Variants in L2HGDH observed in about 807,000 individuals in gnomAD.
The protein encoded by L2HGDH is L-2-hydroxyglutarate dehydrogenase, mitochondrial.
In L2HGDH, 34 loss-of-function variants were observed where a neutral mutation model predicts 51.5. That is an observed-to-expected ratio of 0.66 (90% CI 0.50 to 0.88). The LOEUF is 0.88. L2HGDH is among the 40% of genes least tolerant of loss of function. L2HGDH has a pLI of 0.00. For synonymous variants in L2HGDH, 198 were observed against 197.9 expected (o/e 1.00, Z -0.01); for missense variants, 558 against 571.9 (o/e 0.98, Z 0.25).
At chr14:50,273,209 A>G (rs1308695776) in intron 6 of L2HGDH, among the ~76,000 whole-genome samples, 1 of 152,230 alleles carries the variant, frequency 6.6e-6, no homozygotes, top group African/African-American at 2.4e-5. Flanking sequence ...CAAGCTCCAT[A>G]TGAATGCTCA....
At position 50,245,827 on chromosome 14, in the gene L2HGDH, G is replaced by A. The variant is rs1236255043; in HGVS notation, c.*1231C>T. 1 of 985,208 alleles carries A rather than the reference G, an allele frequency of 1.0e-6. No individual in the cohort carries two copies. Among genetic ancestry groups the A allele is most frequent in the Non-Finnish European group, 1.2e-6 (1 of 829,902 alleles). 61.0% of individuals were successfully genotyped at this position (985,208 alleles called of 1,614,324 possible). On this transcript the variant is annotated 3_prime_UTR_variant, in exon 10 of 10. Transcript: ENST00000267436. The stretch of plus-strand genomic sequence containing the variant: ...TTGGTAAGGACAGGTCATTAACAAA[G>A]TCAGGGATTCAGGGCTGAGCATGAT...
chr14:50,311,813 T>C (rs919700137), intron 1 of L2HGDH, among the ~76,000 whole-genome samples, 198 bp downstream of exon 1: 6 of 152,232 alleles, frequency 3.9e-5, no homozygotes, highest in African/African-American at 7.2e-5. Flanking sequence ...CTCTATACAC[T>C]GCCTTTCCTC....
chr14:50,307,412 C>T (rs1261416056), intron 1 of L2HGDH, among the ~76,000 whole-genome samples: 1 of 152,180 alleles, frequency 6.6e-6, no homozygotes, highest in East Asian at 1.9e-4. Flanking sequence ...CTCCAAGCAT[C>T]CACTATGGAG....
At chr14:50,298,138 GGAGGCT>G (rs2030183407) in intron 3 of L2HGDH, among the ~76,000 whole-genome samples, 1 of 150,848 alleles carries the variant, frequency 6.6e-6, no homozygotes, top group African/African-American at 2.4e-5. Context: ...CAGCGACTTG[GGAGGCT>G]GAGGCTGGAG....
chr14:50,298,132 G>C (rs778665800), intron 3 of L2HGDH, among the ~76,000 whole-genome samples: 1 of 150,380 alleles, frequency 6.6e-6, no homozygotes, highest in Non-Finnish European at 1.5e-5. Flanking sequence ...TAGTCCCAGC[G>C]ACTTGGGAGG....
intron 5 of L2HGDH, among the ~76,000 whole-genome samples, chr14:50,279,076 T>A (rs114448496): frequency 0.011 from 1,610 of 152,334 alleles, 24 homozygotes; most frequent in African/African-American, 0.037. Context: ...TTATAAAGCG[T>A]ATGTAGAGCA....
At chr14:50,288,635 T>C (rs1890697488) in intron 4 of L2HGDH, among the ~76,000 whole-genome samples, 1 of 152,224 alleles carries the variant, frequency 6.6e-6, no homozygotes, top group Non-Finnish European at 1.5e-5. Flanking sequence ...TTCACCATAT[T>C]GGTCAGGCCG....
chr14:50,278,813 T>C (rs774878487), intron 5 of L2HGDH, among the ~76,000 whole-genome samples: 41 of 152,188 alleles, frequency 2.7e-4, no homozygotes, highest in Non-Finnish European at 2.2e-4. Flanking sequence ...ACCTCCAATA[T>C]AGACATAGCT....
At chr14:50,293,233 C>G in intron 4 of L2HGDH, 1 of 702,272 alleles carries the variant, frequency 1.4e-6, no homozygotes, top group Middle Eastern at 2.3e-4. Flanking sequence ...TACTGCAGCA[C>G]AGTGGGAAAA....
At chr14:50,293,184 A>AGACATAGAC in intron 4 of L2HGDH, 1 of 701,386 alleles carries the variant, frequency 1.4e-6, no homozygotes, top group South Asian at 1.5e-5. Context: ...AATGGAGTCC[A>AGACATAGAC]GACATAGACC....
At position 50,269,190 on chromosome 14, in the gene L2HGDH, A is replaced by G. The variant is rs770639958; in HGVS notation, c.879T>C (p.Cys293=). 1 of 1,613,986 alleles carries G rather than the reference A, an allele frequency of 6.2e-7. No individual in the cohort carries two copies. Among genetic ancestry groups the G allele is most frequent in the Non-Finnish European group, 8.5e-7 (1 of 1,179,960 alleles). ...GDYLLLKPEK[C]YLVKGNIYPV... ...GATAAATATTTCCTTTTACAAGATAACATTTTTCTGGCTTCAAAAGCAGGT... is the reference window on the plus strand; with the variant it reads ...GATAAATATTTCCTTTTACAAGATAGCATTTTTCTGGCTTCAAAAGCAGGT... The change falls in exon 7 of 10, where the codon TGT becomes TGC. Residue 293 remains cysteine, a synonymous_variant. Transcript: ENST00000267436.
At chr14:50,261,788 G>A (rs1889041658) in intron 9 of L2HGDH, among the ~76,000 whole-genome samples, 2 of 152,118 alleles carry the variant, frequency 1.3e-5, no homozygotes, top group Admixed American at 1.3e-4. Context: ...CTGGCCTAGA[G>A]CTAACATTAA....
At chr14:50,252,156 T>C (rs934595116) in intron 9 of L2HGDH, among the ~76,000 whole-genome samples, 3 of 152,048 alleles carry the variant, frequency 2.0e-5, no homozygotes, top group Non-Finnish European at 2.9e-5. Context: ...TTTATTAGTT[T>C]TCTTTCTGTG....
At chr14:50,288,985 G>A (rs562461474) in intron 4 of L2HGDH, among the ~76,000 whole-genome samples, 2 of 152,290 alleles carry the variant, frequency 1.3e-5, no homozygotes, top group East Asian at 3.9e-4. Context: ...GTATAGATAA[G>A]AAACAGAAAG....
In L2HGDH at chr14:50,302,132, T is replaced by C. The variant is rs267607206; in HGVS notation, c.293A>G (p.His98Arg). 2.5e-6 allele frequency: 4 copies of C among 1,614,018 alleles called. No homozygotes were observed. Among genetic ancestry groups the C allele is most frequent in the Non-Finnish European group, 2.5e-6 (3 of 1,180,004 alleles). Residue 98 changes from histidine to arginine, a missense_variant, in exon 3 of 10, where the codon CAT becomes CGT. Coordinates refer to ENST00000267436, the MANE Select transcript of L2HGDH (RefSeq NM_024884.3). ...CTCAGGTTTATAATAAATTCCACTA[T>C]GTATGACACCACTGTTATGTCCAGT... ...HQTGHNSGVI[H>R]SGIYYKPESL... is the part of the protein sequence containing the mutation.
Position 50,247,130 on chromosome 14 carries a change from A to C in L2HGDH, c.1320T>G (p.Ser440=). ...NRILHVRNAP[S]PAATSSIAIS... is the part of the protein sequence containing the mutation. ...TTGCAATGGAAGAAGTAGCAGCAGG[A>C]GAAGGTGCATTTCTCACATGAAGAA... The change falls in exon 10 of 10, where the codon TCT becomes TCG. Residue 440 remains serine, a synonymous_variant. Coordinates refer to ENST00000267436, the MANE Select transcript of L2HGDH (RefSeq NM_024884.3). 3 of 1,614,118 alleles carry C rather than the reference A, an allele frequency of 1.9e-6. No individual in the cohort carries two copies. The highest frequency in any genetic ancestry group is 2.5e-6 in the Non-Finnish European group (3 of 1,179,976).
At chr14:50,311,655 G>C (rs781136130) in intron 1 of L2HGDH, among the ~76,000 whole-genome samples, 4 of 152,212 alleles carry the variant, frequency 2.6e-5, no homozygotes, top group Non-Finnish European at 5.9e-5. Flanking sequence ...TATACTGTGT[G>C]CTAGGTCCTT....
chr14:50,257,760 G>T lies in L2HGDH; in HGVS notation c.1196+7598C>A, dbSNP rs549721998. Among the ~76,000 whole-genome samples the T allele has an allele frequency of 3.6e-3, 516 of 141,780 alleles. 3 individuals are homozygous for T. The highest frequency in any genetic ancestry group is 0.012 in the African/African-American group (451 of 38,948). The allele number at this position is 141,780 out of a possible 152,430, so 93.0% of individuals were successfully genotyped here. ...AATTTGCCTAGTTCTTTTTTCTTTG[G>T]TTTTTTTTTTTCATGTTTTCATTAC... On this transcript the variant is annotated intron_variant, in intron 9 of 9. Transcript: ENST00000267436.
chr14:50,290,209 G>A (rs1254128395), intron 4 of L2HGDH, among the ~76,000 whole-genome samples: 1 of 152,110 alleles, frequency 6.6e-6, no homozygotes, highest in African/African-American at 2.4e-5. Flanking sequence ...GGAGCTTGCA[G>A]TGAGTCGAGA....
Sources: allele counts gnomAD v4.1 joint callset (sites outside exome capture counted in the v4.1 genomes callset), GRCh38; gene constraint gnomAD v4.1.1; transcripts MANE v1.5; gene names NCBI Gene and HGNC (gene_info 2026-07-23, HGNC 2026-07-21).